The following MAP2K1 variants were observed in gnomAD, a reference collection of about 807,000 sequenced individuals.
The protein encoded by MAP2K1 is dual specificity mitogen-activated protein kinase kinase 1.
MAP2K1 carries 16 observed loss-of-function variants against 46.3 expected under a neutral mutation model. That is an observed-to-expected ratio of 0.35 (90% confidence interval 0.23 to 0.52). The LOEUF (loss-of-function observed/expected upper bound fraction) is 0.52. Among genes scored for constraint, MAP2K1 ranks in the 20% least tolerant of loss-of-function variants. The probability of loss-of-function intolerance (pLI) is 0.94; values close to 1 mark genes in which losing one functional copy is unlikely to be tolerated. For synonymous variants in MAP2K1, 183 were observed against 185.6 expected (o/e 0.99, Z 0.11); for missense variants, 263 against 497.1 (o/e 0.53, Z 4.48).
At chr15:66,439,494 C>T (rs988649028) in intron 3 of MAP2K1, among the ~76,000 whole-genome samples, 1 of 151,966 alleles carries the variant, frequency 6.6e-6, no homozygotes, top group African/African-American at 2.4e-5. Flanking sequence ...TGGCCAGACA[C>T]GGTAGCTCAC....
At chr15:66,414,646 A>G (rs2093420314) in intron 1 of MAP2K1, among the ~76,000 whole-genome samples, 1 of 152,076 alleles carries the variant, frequency 6.6e-6, no homozygotes, top group African/African-American at 2.4e-5. Context: ...GATTAATTGA[A>G]TCATTGGCCA....
intron 5 of MAP2K1, among the ~76,000 whole-genome samples, chr15:66,463,533 A>G (rs1892384466): frequency 6.6e-6 from 1 of 152,112 alleles, no homozygotes; most frequent in African/African-American, 2.4e-5. Flanking sequence ...CCCAAGCTGG[A>G]GTGCAATGGT....
At chr15:66,407,779 C>T (rs1429685521) in intron 1 of MAP2K1, among the ~76,000 whole-genome samples, 2 of 152,168 alleles carry the variant, frequency 1.3e-5, no homozygotes, top group Non-Finnish European at 2.9e-5. Context: ...AAGGTTGAGG[C>T]TGCAGCGAGC....
intron 1 of MAP2K1, among the ~76,000 whole-genome samples, chr15:66,420,759 G>GTGTGTGTGTGTGTGTA (rs1252003697): frequency 5.0e-4 from 20 of 40,086 alleles, no homozygotes; most frequent in African/African-American, 1.9e-3. Flanking sequence ...GTGTGTGTGT[G>GTGTGTGTGTGTGTGTA]TATGTGTGTA....
intron 1 of MAP2K1, among the ~76,000 whole-genome samples, chr15:66,434,074 G>T (rs2093481365): frequency 1.3e-5 from 2 of 152,232 alleles, no homozygotes; most frequent in South Asian, 4.1e-4. Flanking sequence ...AGCTGGTATT[G>T]TAGTTAAGTA....
intron 5 of MAP2K1, among the ~76,000 whole-genome samples, chr15:66,459,541 A>T (rs62010228): frequency 6.6e-6 from 1 of 150,562 alleles, no homozygotes; most frequent in Non-Finnish European, 1.5e-5. Flanking sequence ...TCACTTGAAC[A>T]TGGGAGGTGG....
chr15:66,424,563 G>A (rs950663360), intron 1 of MAP2K1, among the ~76,000 whole-genome samples: 5 of 152,026 alleles, frequency 3.3e-5, no homozygotes, highest in African/African-American at 1.2e-4. Context: ...TCCAGTAATG[G>A]GTTTTTATCT....
chr15:66,394,190 G>A (rs1052073499), intron 1 of MAP2K1, among the ~76,000 whole-genome samples: 2 of 152,130 alleles, frequency 1.3e-5, no homozygotes, highest in East Asian at 1.9e-4. Flanking sequence ...ATAAGGTGCC[G>A]AATAACCTTA....
chr15:66,423,284 A>T (rs11856317), intron 1 of MAP2K1, among the ~76,000 whole-genome samples: 5 of 151,936 alleles, frequency 3.3e-5, no homozygotes, highest in Admixed American at 2.0e-4. Context: ...ACATGTTGTC[A>T]CCTTTAACAT....
chr15:66,389,016 C>T (rs1473617722), intron 1 of MAP2K1, among the ~76,000 whole-genome samples: 1 of 150,512 alleles, frequency 6.6e-6, no homozygotes, highest in Non-Finnish European at 1.5e-5. Flanking sequence ...AAGCGACTCT[C>T]CTGCCTCAGC....
intron 10 of MAP2K1, chr15:66,490,116 G>A (rs762613080): frequency 7.7e-5 from 40 of 519,444 alleles, no homozygotes; most frequent in South Asian, 1.7e-4. Flanking sequence ...CTGCTGTCTC[G>A]TTTGGTGGCA....
chr15:66,477,271 G>C (rs1343098794), intron 5 of MAP2K1, among the ~76,000 whole-genome samples: 1 of 152,228 alleles, frequency 6.6e-6, no homozygotes, highest in Non-Finnish European at 1.5e-5. Flanking sequence ...TACAAGGACA[G>C]CTAGAGGCAG....
chr15:66,441,752 C>CAA (rs35667031), intron 3 of MAP2K1, among the ~76,000 whole-genome samples: 35 of 98,768 alleles, frequency 3.5e-4, no homozygotes, highest in African/African-American at 1.2e-3. Context: ...TAAAAAAAGA[C>CAA]AAAAAAAAAA....
chr15:66,395,189 C>T (rs1381363657), intron 1 of MAP2K1, among the ~76,000 whole-genome samples: 1 of 152,076 alleles, frequency 6.6e-6, no homozygotes, highest in African/African-American at 2.4e-5. Context: ...GTGTTTTTTC[C>T]TATGCAGTAT....
At chr15:66,389,437 A>C (rs2093351586) in intron 1 of MAP2K1, among the ~76,000 whole-genome samples, 3 of 152,208 alleles carry the variant, frequency 2.0e-5, no homozygotes, top group Admixed American at 6.5e-5. Flanking sequence ...TCATTAAAAC[A>C]GTAAAAGCAG....
intron 8 of MAP2K1, among the ~76,000 whole-genome samples, chr15:66,487,796 C>G (rs1893092656): frequency 6.6e-6 from 1 of 151,966 alleles, no homozygotes; most frequent in Non-Finnish European, 1.5e-5. Flanking sequence ...AGAAAAAAAG[C>G]CATCCATCCT....
chr15:66,436,941 T>C, intron 3 of MAP2K1, 49 bp downstream of exon 3: 1 of 1,607,432 alleles, frequency 6.2e-7, no homozygotes, highest in South Asian at 1.1e-5. Flanking sequence ...AAGAGTTGGG[T>C]GGCTCTGGCC....
chr15:66,461,858 C>A (rs191247986), intron 5 of MAP2K1, among the ~76,000 whole-genome samples: 1 of 152,242 alleles, frequency 6.6e-6, no homozygotes, highest in Non-Finnish European at 1.5e-5. Flanking sequence ...GTGATCCTGG[C>A]AGAGTTGTTT....
chr15:66,407,524 T>C (rs1447819057), intron 1 of MAP2K1, among the ~76,000 whole-genome samples: 2 of 152,046 alleles, frequency 1.3e-5, no homozygotes, highest in Non-Finnish European at 2.9e-5. Flanking sequence ...AAAGTGGGAG[T>C]GATGGTAATG....
Sources: allele counts gnomAD v4.1 joint callset (sites outside exome capture counted in the v4.1 genomes callset), GRCh38; gene constraint gnomAD v4.1.1; transcripts MANE v1.5; gene names NCBI Gene and HGNC (gene_info 2026-07-23, HGNC 2026-07-21).